The following RAB3C variants were observed in gnomAD, a reference collection of about 807,000 sequenced individuals.
RAB3C encodes RAB3C, member RAS oncogene family.
In RAB3C, 17 loss-of-function variants were observed where a neutral mutation model predicts 26.4. The observed-to-expected ratio is 0.64, with a 90% CI of 0.44 to 0.97. The LOEUF is 0.97. Ranked by LOEUF, RAB3C falls within the 50% of genes least tolerant of loss-of-function variation. The pLI is 0.00. For synonymous variants in RAB3C, 91 were observed against 95.9 expected, an observed-to-expected ratio of 0.95 and a Z score of 0.30; for missense variants, 242 against 281.9, an observed-to-expected ratio of 0.86 and a Z score of 1.01.
At chr5:58,637,904 A>G (rs1747323265) in intron 2 of RAB3C, among the ~76,000 whole-genome samples, 1 of 152,152 alleles carries the variant, frequency 6.6e-6, no homozygotes, top group African/African-American at 2.4e-5. Context: ...TATGTTATGA[A>G]TCTTTTCTAA....
chr5:58,671,983 C>T (rs1018736771), intron 2 of RAB3C, among the ~76,000 whole-genome samples: 1 of 152,052 alleles, frequency 6.6e-6, no homozygotes, highest in Non-Finnish European at 1.5e-5. Context: ...TACTTATATA[C>T]CAATCAGGTA....
chr5:58,742,311 T>C (rs997816851), intron 3 of RAB3C, among the ~76,000 whole-genome samples: 1 of 152,212 alleles, frequency 6.6e-6, no homozygotes, highest in South Asian at 2.1e-4. Flanking sequence ...GGGTCGTTTT[T>C]ATATAGCCCT....
At chr5:58,665,133 A>G (rs527518681) in intron 2 of RAB3C, among the ~76,000 whole-genome samples, 1 of 152,200 alleles carries the variant, frequency 6.6e-6, no homozygotes, top group African/African-American at 2.4e-5. Context: ...AACAGCACAC[A>G]TATTTCTGTA....
intron 2 of RAB3C, among the ~76,000 whole-genome samples, chr5:58,703,068 A>C (rs764106195): frequency 1.1e-4 from 17 of 152,256 alleles, no homozygotes; most frequent in Non-Finnish European, 2.1e-4. Context: ...AATGTAAATA[A>C]CGTTTAATAA....
chr5:58,793,501 G>T (rs1222376513), intron 3 of RAB3C, among the ~76,000 whole-genome samples: 2 of 145,382 alleles, frequency 1.4e-5, no homozygotes, highest in African/African-American at 5.1e-5. Context: ...AGGTTGCAGT[G>T]AGCCAAGATC....
intron 3 of RAB3C, among the ~76,000 whole-genome samples, chr5:58,749,285 T>C (rs1741469941): frequency 6.6e-6 from 1 of 152,208 alleles, no homozygotes; most frequent in Non-Finnish European, 1.5e-5. Context: ...TATTAAGAAA[T>C]TGTGATTTTT....
At chr5:58,819,845 G>A (rs1743299746) in intron 3 of RAB3C, among the ~76,000 whole-genome samples, 1 of 152,064 alleles carries the variant, frequency 6.6e-6, no homozygotes, top group Admixed American at 6.6e-5. Flanking sequence ...TCCAACCTGG[G>A]CAACACAGCA....
intron 2 of RAB3C, among the ~76,000 whole-genome samples, chr5:58,674,432 A>G (rs2111829420): frequency 6.6e-6 from 1 of 152,356 alleles, no homozygotes; most frequent in Non-Finnish European, 1.5e-5. Context: ...TAAACCAACC[A>G]ATTTCTAATG....
chr5:58,602,516 T>C (rs1292594102), intron 1 of RAB3C, among the ~76,000 whole-genome samples: 1 of 152,188 alleles, frequency 6.6e-6, no homozygotes, highest in East Asian at 1.9e-4. Context: ...AATTGTTTTA[T>C]AAATTTGGGA....
intron 3 of RAB3C, among the ~76,000 whole-genome samples, chr5:58,748,560 T>G (rs1741449879): frequency 6.6e-6 from 1 of 152,188 alleles, no homozygotes; most frequent in Non-Finnish European, 1.5e-5. Flanking sequence ...GGCTTGCTTG[T>G]AGCTCCAACC....
At chr5:58,648,947 G>A (rs1483124250) in intron 2 of RAB3C, among the ~76,000 whole-genome samples, 1 of 152,094 alleles carries the variant, frequency 6.6e-6, no homozygotes, top group Non-Finnish European at 1.5e-5. Context: ...AGATTTCCCT[G>A]TTGTTGGGAA....
chr5:58,818,728 G>A (rs1743272407), intron 3 of RAB3C, among the ~76,000 whole-genome samples: 1 of 152,166 alleles, frequency 6.6e-6, no homozygotes. Context: ...ACTGTTTGGT[G>A]ACAGCCACTC....
rs369159068 is a variant in RAB3C, at chr5:58,777,649, G to A, written c.372-47389G>A. On this transcript the variant is annotated intron_variant, in intron 3 of 4. Coordinates refer to ENST00000282878, the MANE Select transcript of RAB3C (RefSeq NM_138453.4). ...ATAGGGTACATGTGCACAACGTGCA[G>A]GTTTGTTACATATGTATACATGAGC... Among the ~76,000 whole-genome samples the A allele has an allele frequency of 3.3e-4, 49 of 149,626 alleles. No homozygotes were observed. In the South Asian group the frequency reaches 9.1e-3, roughly 28 times the overall value.
chr5:58,736,111 C>T (rs1741127806), intron 3 of RAB3C, among the ~76,000 whole-genome samples: 1 of 152,158 alleles, frequency 6.6e-6, no homozygotes. Flanking sequence ...TAGCACATAG[C>T]CCTTTGTAAT....
At chr5:58,645,152 A>G (rs1747490723) in intron 2 of RAB3C, among the ~76,000 whole-genome samples, 1 of 152,222 alleles carries the variant, frequency 6.6e-6, no homozygotes, top group Admixed American at 6.5e-5. Flanking sequence ...TAGTCAGTAG[A>G]CATATTAGGA....
intron 1 of RAB3C, among the ~76,000 whole-genome samples, chr5:58,597,109 T>TATAGATAATACATTATATATATTATATA (rs1746310920): frequency 2.4e-4 from 1 of 4,160 alleles, no homozygotes; most frequent in African/African-American, 9.2e-4. Context: ...TATTATATAA[T>TATAGATAATACATTATATATATTATATA]ATATATAATA....
At chr5:58,700,568 C>A (rs1230127895) in intron 2 of RAB3C, among the ~76,000 whole-genome samples, 3 of 152,092 alleles carry the variant, frequency 2.0e-5, no homozygotes, top group Non-Finnish European at 4.4e-5. Context: ...TGTTTATCTG[C>A]AAAGCAAAAA....
At position 58,857,368 on chromosome 5, in the gene RAB3C, T is replaced by C. The variant is rs1340056381; in HGVS notation, c.*6017T>C. 6.6e-6 allele frequency: 1 copy of C among 152,200 alleles called. No homozygotes were observed. The highest frequency in any genetic ancestry group is 1.5e-5 in the Non-Finnish European group (1 of 68,012). 9.4% of individuals were successfully genotyped at this position (152,200 alleles called of 1,614,324 possible). On this transcript the variant is annotated 3_prime_UTR_variant, in exon 5 of 5. Transcript: ENST00000282878. The stretch of plus-strand genomic sequence containing the variant: ...TTATCTCTTAGAATTGTGGATTTTA[T>C]TGTCAAGACAGAATGGCTGTTCATT...
At chr5:58,809,643 C>G (rs1358695251) in intron 3 of RAB3C, among the ~76,000 whole-genome samples, 1 of 152,144 alleles carries the variant, frequency 6.6e-6, no homozygotes, top group Non-Finnish European at 1.5e-5. Flanking sequence ...GGAGGTCAAG[C>G]CTCTGAGAGG....
Sources: gnomAD v4.1 joint callset for allele counts (sites outside exome capture counted in the v4.1 genomes callset) on GRCh38, gnomAD v4.1.1 for gene constraint, MANE v1.5 for transcripts, NCBI Gene and HGNC (gene_info 2026-07-23, HGNC 2026-07-21) for gene names.